SLIT1: variants seen among roughly 807,000 people sequenced by gnomAD.
The protein encoded by SLIT1 is slit guidance ligand 1.
In SLIT1, 66 loss-of-function variants were observed where a neutral mutation model predicts 186.1. That is an observed-to-expected ratio of 0.35 (90% CI 0.29 to 0.44). The LOEUF (loss-of-function observed/expected upper bound fraction) is 0.44, where lower values mean the gene tolerates loss of function less well. Among genes scored for constraint, SLIT1 ranks in the 20% least tolerant of loss-of-function variants. SLIT1 has a pLI of 1.00. For missense variants in SLIT1, 1,638 were observed against 2,037.4 expected (o/e 0.80, Z 3.77); for synonymous variants, 761 against 833.8 (o/e 0.91, Z 1.50).
intron 25 of SLIT1, 124 bp downstream of exon 25, chr10:97,030,633 G>T (rs1848582692): frequency 1.3e-6 from 1 of 782,458 alleles, no homozygotes; most frequent in Non-Finnish European, 2.2e-6. Context: ...CACGTGGGAA[G>T]TTCCCAAGCT....
rs1200789428 is a variant in SLIT1, at chr10:97,185,637, G to C, written c.38C>G (p.Pro13Arg). ...CAGCAGCCAGAGCTCCGGCCGGACC[G>C]GCCCCGCCGAGGACCCCCACCCGGG... ...LTPGWGSSAG[P>R]VRPELWLLLW... is the part of the protein sequence containing the mutation. Residue 13 changes from proline (P) to arginine (R), a missense_variant, in exon 1 of 37, where the codon CCG (proline) becomes CGG (arginine). Around this residue, in one of 3 missense-constraint regions of SLIT1, gnomAD observed 1,245 missense variants for 1,535.3 expected, o/e 0.81. Coordinates refer to ENST00000266058, the MANE Select transcript of SLIT1 (RefSeq NM_003061.3). 5.8e-6 allele frequency: 9 copies of C among 1,539,280 alleles called. No individual in the cohort carries two copies. Among genetic ancestry groups the C allele is most frequent in the Non-Finnish European group, 7.9e-6 (9 of 1,144,788 alleles).
intron 4 of SLIT1, among the ~76,000 whole-genome samples, chr10:97,117,146 C>T (rs1426156574): frequency 1.3e-5 from 2 of 152,080 alleles, no homozygotes; most frequent in Non-Finnish European, 2.9e-5. Flanking sequence ...CTCTGTGTTT[C>T]TACGAGCAGA....
chr10:97,155,429 G>A (rs1482975364), intron 4 of SLIT1: 2 of 152,294 alleles, frequency 1.3e-5, no homozygotes, highest in Non-Finnish European at 2.9e-5. Context: ...AAAGGAGGGA[G>A]GGAGTCCCCT....
Position 97,046,721 on chromosome 10 carries a change from G to A in SLIT1, c.1786C>T (p.Leu596=), listed in dbSNP as rs761032432. The A allele has an allele frequency of 6.8e-6, 11 of 1,612,352 alleles. No homozygotes were observed. The highest frequency in any genetic ancestry group is 9.3e-6 in the Non-Finnish European group (11 of 1,180,038). ...EGAASVSELH[L]TANQLESIRS... is the part of the protein sequence containing the mutation. ...ATGGACTCCAGCTGGTTGGCAGTTA[G>A]GTGCAGCTCGCTCACAGAGGCTGCG... The change falls in exon 18 of 37, where the codon CTA becomes TTA. Residue 596 remains leucine, a synonymous_variant. Coordinates refer to ENST00000266058, the MANE Select transcript of SLIT1 (RefSeq NM_003061.3).
At chr10:97,057,641 G>A (rs1043265192) in intron 11 of SLIT1, 1 of 360,334 alleles carries the variant, frequency 2.8e-6, no homozygotes, top group Non-Finnish European at 5.1e-6. Flanking sequence ...TGAGAGAAGA[G>A]AAAATCCCAT....
rs768333853 is a variant in SLIT1, at chr10:97,010,995, G to A, written c.3339C>T (p.Tyr1113=). The A allele has an allele frequency of 3.1e-6, 5 of 1,613,974 alleles. No homozygotes were observed. The highest frequency in any genetic ancestry group is 4.2e-6 in the Non-Finnish European group (5 of 1,179,892). The change falls in exon 31 of 37, where the codon TAC becomes TAT. Residue 1113 remains tyrosine, a splice_region_variant and synonymous_variant. Coordinates refer to ENST00000266058, the MANE Select transcript of SLIT1 (RefSeq NM_003061.3). This position sits in a 1 kb window ranked among gnomAD's most constrained non-coding sequence, Gnocchi z 4.8. ...TAGTGTGTCCAGGGGCTGCTCACCT[G>A]TAGCCCTCAGCACAGAGGCAGGAGT... ...NSYSCLCAEG[Y]SGQLCEIPPH...
At chr10:97,032,266 A>C (rs952433967) in intron 23 of SLIT1, among the ~76,000 whole-genome samples, 2 of 152,216 alleles carry the variant, frequency 1.3e-5, no homozygotes, top group African/African-American at 4.8e-5. Flanking sequence ...CTCCAGGGTC[A>C]CATTATTAAG....
rs979956405 is a variant in SLIT1, at chr10:97,022,234, A to G, written c.2583-821T>C. 1.1e-4 allele frequency among the ~76,000 whole-genome samples: 17 copies of G among 152,214 alleles called. No individual in the cohort carries two copies. The highest frequency in any genetic ancestry group is 1.2e-4 in the Non-Finnish European group (8 of 68,040). On this transcript the variant is annotated intron_variant, in intron 25 of 36. Transcript: ENST00000266058. The surrounding 1 kb of genome is among the most constrained non-coding windows in gnomAD (Gnocchi z 4.2). ...TTTCCCTGGGGTCACACAACTAGCT[A>G]AGGGCAGCCCCTGGATCCAGATGTG...
chr10:97,040,401 G>A (rs572694111), intron 20 of SLIT1, among the ~76,000 whole-genome samples: 6 of 152,218 alleles, frequency 3.9e-5, no homozygotes, highest in Admixed American at 3.9e-4. Flanking sequence ...GGATGGCCGC[G>A]CACCATCCCA....
At chr10:97,166,610 AGAAAGAAAGAAAG>A (rs1850119285) in intron 1 of SLIT1, among the ~76,000 whole-genome samples, 2 of 70,670 alleles carry the variant, frequency 2.8e-5, no homozygotes, top group African/African-American at 1.0e-4. Flanking sequence ...AAAGAAAGAA[AGAAAGAAAGAAAG>A]AGAAAAGAAA....
chr10:97,114,335 G>T (rs1196333029), intron 4 of SLIT1, among the ~76,000 whole-genome samples: 1 of 152,186 alleles, frequency 6.6e-6, no homozygotes, highest in Non-Finnish European at 1.5e-5. Context: ...GGGAATTATT[G>T]CACATTCTGA....
chr10:97,136,361 GT>G (rs1342860083), intron 4 of SLIT1, among the ~76,000 whole-genome samples: 2 of 152,178 alleles, frequency 1.3e-5, no homozygotes, highest in African/African-American at 4.8e-5. Context: ...TTACCATGAA[GT>G]TAAGGAAACT....
intron 4 of SLIT1, among the ~76,000 whole-genome samples, chr10:97,083,450 A>C (rs1849125573): frequency 6.6e-6 from 1 of 152,192 alleles, no homozygotes; most frequent in Non-Finnish European, 1.5e-5. Context: ...TGATGGATGA[A>C]CTTGGAGGGA....
chr10:97,034,495 G>A lies in SLIT1; in HGVS notation c.2414C>T (p.Thr805Ile). ...KISSLSNSSF[T>I]NMSQLTTLIL... The stretch of plus-strand genomic sequence containing the variant: ...CAGAGTGGTCAGCTGGCTCATGTTG[G>A]TGAAGGAGGAATTGCTTAAGGAACT... The change falls in exon 23 of 37, where the codon ACC (threonine) becomes ATC (isoleucine). Residue 805 changes from threonine (T) to isoleucine (I), a missense_variant. Physicochemically the swap from Thr to Ile is moderately conservative, Grantham distance 89. Around this residue, in one of 3 missense-constraint regions of SLIT1, gnomAD observed 1,245 missense variants for 1,535.3 expected, o/e 0.81. Transcript: ENST00000266058. 1 of 1,613,730 alleles carries A rather than the reference G, an allele frequency of 6.2e-7. No individual in the cohort carries two copies. The highest frequency in any genetic ancestry group is 8.5e-7 in the Non-Finnish European group (1 of 1,179,732).
At chr10:97,074,287 T>C (rs1442203329) in intron 4 of SLIT1, among the ~76,000 whole-genome samples, 2 of 152,228 alleles carry the variant, frequency 1.3e-5, no homozygotes, top group Non-Finnish European at 1.5e-5. Flanking sequence ...ATGAGTCCTC[T>C]GCTCTAATCC....
rs57039373 is a variant in SLIT1, at chr10:97,060,604, G to C, written c.941+36C>G. The C allele has an allele frequency of 5.6e-3, 9,099 of 1,610,966 alleles. 380 individuals are homozygous for C. In the African/African-American group the frequency reaches 0.095, roughly 17 times the overall value. Reference sequence around the variant, plus strand: ...CCCTCCAGAGCCAGGCCTGCCAAAGGGCTGTGCCCCAGCATCTGCCCTGCC... The same window carrying C: ...CCCTCCAGAGCCAGGCCTGCCAAAGCGCTGTGCCCCAGCATCTGCCCTGCC... On this transcript the variant is annotated intron_variant, in intron 9 of 36. Transcript: ENST00000266058.
chr10:97,112,117 C>T (rs1464572490), intron 4 of SLIT1, among the ~76,000 whole-genome samples: 4 of 152,224 alleles, frequency 2.6e-5, no homozygotes, highest in Non-Finnish European at 5.9e-5. Context: ...GGCTGTTCCC[C>T]CTGTCCTTCC....
chr10:97,174,654 A>C (rs1486259373), intron 1 of SLIT1, among the ~76,000 whole-genome samples: 2 of 152,166 alleles, frequency 1.3e-5, no homozygotes, highest in Admixed American at 1.3e-4. Flanking sequence ...GAGAAATAGC[A>C]ATTGCTACAG....
At chr10:97,001,501 TC>T in intron 36 of SLIT1, 151 bp from the exon 37 acceptor site, 1 of 641,012 alleles carries the variant, frequency 1.6e-6, no homozygotes, top group Non-Finnish European at 2.7e-6. Flanking sequence ...CCAGCATACT[TC>T]CGCCTCCCAC....
Sources: gnomAD v4.1 joint callset for allele counts (sites outside exome capture counted in the v4.1 genomes callset) on GRCh38, gnomAD v4.1.1 for gene constraint, gnomAD v4.1.1 regional missense constraint, Gnocchi (gnomAD v3.1) non-coding constraint, MANE v1.5 for transcripts, NCBI Gene and HGNC (gene_info 2026-07-23, HGNC 2026-07-21) for gene names.